Variants in CRADD observed in about 807,000 individuals in gnomAD.
CRADD encodes the protein CARD and death domain containing adaptor protein.
In CRADD, 9 loss-of-function variants were observed where a neutral mutation model predicts 15.5. That is an observed-to-expected ratio of 0.58 (90% CI 0.35 to 1.01). The LOEUF (loss-of-function observed/expected upper bound fraction) is 1.01. Ranked by LOEUF, CRADD falls within the 50% of genes least tolerant of loss-of-function variation. The pLI is 0.02. For synonymous variants in CRADD, 118 were observed against 107.6 expected (o/e 1.10, Z -0.60); for missense variants, 227 against 250.3 (o/e 0.91, Z 0.63).
At chr12:93,801,658 C>T (rs1022700675) in intron 2 of CRADD, among the ~76,000 whole-genome samples, 1 of 152,218 alleles carries the variant, frequency 6.6e-6, no homozygotes, top group Non-Finnish European at 1.5e-5. Flanking sequence ...CTCAGCCTCC[C>T]AAAGTGCTGG....
intron 2 of CRADD, among the ~76,000 whole-genome samples, chr12:93,791,767 T>C (rs1957352228): frequency 6.6e-6 from 1 of 152,092 alleles, no homozygotes; most frequent in Non-Finnish European, 1.5e-5. Flanking sequence ...GGTATAAGCA[T>C]ATAAAAATAC....
chr12:93,793,457 G>A (rs1957374945), intron 2 of CRADD, among the ~76,000 whole-genome samples: 1 of 152,140 alleles, frequency 6.6e-6, no homozygotes, highest in Admixed American at 6.5e-5. Flanking sequence ...CCATTCAGTG[G>A]GCTGTGGGCG....
At chr12:93,883,109 G>T (rs1261168111) in intron 2 of CRADD, among the ~76,000 whole-genome samples, 1 of 152,190 alleles carries the variant, frequency 6.6e-6, no homozygotes, top group Admixed American at 6.5e-5. Flanking sequence ...TTAGGCATAT[G>T]GACAAAGGAG....
intron 2 of CRADD, among the ~76,000 whole-genome samples, chr12:93,725,713 G>C (rs999816401): frequency 6.6e-6 from 1 of 152,124 alleles, no homozygotes; most frequent in African/African-American, 2.4e-5. Flanking sequence ...AAACAGTAAG[G>C]GTCTATTGTA....
chr12:93,747,524 G>A (rs192022330), intron 2 of CRADD, among the ~76,000 whole-genome samples: 15 of 149,766 alleles, frequency 1.0e-4, no homozygotes, highest in East Asian at 2.0e-4. Context: ...GCAGTGGTGC[G>A]ATCTCAGCTC....
intron 2 of CRADD, among the ~76,000 whole-genome samples, chr12:93,844,412 C>T (rs904513976): frequency 4.6e-5 from 7 of 152,142 alleles, no homozygotes; most frequent in Non-Finnish European, 1.0e-4. Context: ...GCTGTGATTG[C>T]CTCTCTATAT....
At position 93,797,807 on chromosome 12, in the gene CRADD, G is replaced by T. The variant is rs12824373; in HGVS notation, c.299-52163G>T. Among the ~76,000 whole-genome samples, 14 of 152,070 alleles carry T rather than the reference G, an allele frequency of 9.2e-5. No individual in the cohort carries two copies. The East Asian group carries it at 2.7e-3, about 29-fold the overall frequency. ...GCAATATTAAAAATAAAGACAAAAGGACACATTCAGCCAAATGTGCCTTCA... is the reference window on the plus strand; with the variant it reads ...GCAATATTAAAAATAAAGACAAAAGTACACATTCAGCCAAATGTGCCTTCA... On this transcript the variant is annotated intron_variant, in intron 2 of 2. Transcript: ENST00000332896.
chr12:93,825,365 G>T (rs1308761385), intron 2 of CRADD, among the ~76,000 whole-genome samples: 1 of 152,232 alleles, frequency 6.6e-6, no homozygotes. Flanking sequence ...GTGATTTGGG[G>T]CAAGTTATTC....
intron 2 of CRADD, among the ~76,000 whole-genome samples, chr12:93,715,539 T>A (rs995324664): frequency 6.6e-6 from 1 of 152,178 alleles, no homozygotes. Context: ...TTTGGGAGGC[T>A]GAGGCAGGAG....
At chr12:93,806,681 T>C (rs1957543227) in intron 2 of CRADD, among the ~76,000 whole-genome samples, 1 of 152,102 alleles carries the variant, frequency 6.6e-6, no homozygotes, top group Non-Finnish European at 1.5e-5. Context: ...CATCTAAATA[T>C]TTCCATCATT....
chr12:93,827,015 G>A (rs1565929171), intron 2 of CRADD, among the ~76,000 whole-genome samples: 1 of 152,026 alleles, frequency 6.6e-6, no homozygotes, highest in Non-Finnish European at 1.5e-5. Context: ...AGTGAAGTGG[G>A]GCCAGGGACA....
chr12:93,685,173 A>G (rs1208790839), intron 2 of CRADD, among the ~76,000 whole-genome samples: 1 of 152,154 alleles, frequency 6.6e-6, no homozygotes, highest in Non-Finnish European at 1.5e-5. Context: ...GTGTCAACTT[A>G]ATGGGTTCCT....
At chr12:93,790,112 C>A (rs952288815) in intron 2 of CRADD, among the ~76,000 whole-genome samples, 6 of 152,214 alleles carry the variant, frequency 3.9e-5, no homozygotes, top group Admixed American at 1.3e-4. Flanking sequence ...TAAGTTCTGG[C>A]CACAGGTCCC....
intron 2 of CRADD, among the ~76,000 whole-genome samples, chr12:93,691,031 A>C (rs1955553979): frequency 6.6e-6 from 1 of 152,172 alleles, no homozygotes; most frequent in African/African-American, 2.4e-5. Context: ...AATGTGATTG[A>C]TGTGGACATT....
intron 2 of CRADD, among the ~76,000 whole-genome samples, chr12:93,761,972 TCTTCTGTG>T (rs1422532041): frequency 6.6e-6 from 1 of 152,198 alleles, no homozygotes; most frequent in Non-Finnish European, 1.5e-5. Flanking sequence ...TTTCCTGCCA[TCTTCTGTG>T]CTTTGTTTCC....
intron 2 of CRADD, among the ~76,000 whole-genome samples, chr12:93,754,890 A>C (rs1486009331): frequency 6.6e-6 from 1 of 151,886 alleles, no homozygotes; most frequent in African/African-American, 2.4e-5. Flanking sequence ...GCAGCACCTC[A>C]TTCCCAGTAC....
At chr12:93,859,453 A>G (rs1449794473) in intron 2 of CRADD, 7 of 438,428 alleles carry the variant, frequency 1.6e-5, no homozygotes, top group Non-Finnish European at 2.7e-5. Flanking sequence ...GTGAGGTCCA[A>G]TTATATCCAA....
chr12:93,808,427 G>A (rs1197509871), intron 2 of CRADD, among the ~76,000 whole-genome samples: 1 of 152,062 alleles, frequency 6.6e-6, no homozygotes, highest in Non-Finnish European at 1.5e-5. Flanking sequence ...AGAACAGTAT[G>A]GGGGAAACCG....
At chr12:93,894,251 A>G (rs1958596960) in exon 3 of CRADD, 1 of 451,542 alleles carries the variant, frequency 2.2e-6, no homozygotes, top group Middle Eastern at 4.9e-4. Context: ...GGTTGTCACA[A>G]TTCTGTGTAT....
Sources: allele counts gnomAD v4.1 joint callset (sites outside exome capture counted in the v4.1 genomes callset), GRCh38; gene constraint gnomAD v4.1.1; transcripts MANE v1.5; gene names NCBI Gene and HGNC (gene_info 2026-07-23, HGNC 2026-07-21).